Variants in COL5A1 observed in about 807,000 individuals in gnomAD.
COL5A1 encodes collagen alpha-1(V) chain.
COL5A1 carries 16 observed loss-of-function variants against 263.7 expected under a neutral mutation model. The observed-to-expected ratio is 0.06, with a 90% CI of 0.04 to 0.09. The LOEUF (loss-of-function observed/expected upper bound fraction) is 0.09. COL5A1 is among the 10% of genes least tolerant of loss of function. The pLI, the probability that COL5A1 is intolerant of heterozygous loss-of-function variation, is 1.00. For synonymous variants in COL5A1, 1,012 were observed against 1,004.5 expected (o/e 1.01, Z -0.14); for missense variants, 2,036 against 2,540.5 (o/e 0.80, Z 4.27).
chr9:134,696,066 C>T lies in COL5A1; in HGVS notation c.278-3843C>T, dbSNP rs1375606702. Among the ~76,000 whole-genome samples the T allele has an allele frequency of 2.1e-4, 32 of 152,188 alleles. No homozygotes were observed. The highest frequency in any genetic ancestry group is 2.0e-3 in the Admixed American group (30 of 15,290). On this transcript the variant is annotated intron_variant, in intron 2 of 65. Transcript: ENST00000371817. This position sits in a 1 kb window ranked among gnomAD's most constrained non-coding sequence, Gnocchi z 4.3. ...GTCCAGCTGAAACCTCAGCCGCCCC[C>T]CAGGTTCCTGGCCCCCTGTCCAAAG... is the stretch of plus-strand genomic sequence containing the variant.
rs562236744 is a variant in COL5A1, at chr9:134,798,509, A to G, written c.2952+48A>G. 1.9e-6 allele frequency: 3 copies of G among 1,576,894 alleles called. No homozygotes were observed. The Admixed American group carries it at 5.0e-5, about 26-fold the overall frequency. Reference sequence around the variant, plus strand: ...GACGTGGCTGGCTGGCTCTCTGACCACCCTGCACGTGGGCACAGCCCTCGC... The same window carrying G: ...GACGTGGCTGGCTGGCTCTCTGACCGCCCTGCACGTGGGCACAGCCCTCGC... On this transcript the variant is annotated intron_variant, in intron 37 of 65. Transcript: ENST00000371817.
intron 1 of COL5A1, among the ~76,000 whole-genome samples, chr9:134,685,011 G>GATCC (rs1304374971): frequency 0.029 from 1,052 of 36,360 alleles, 2 homozygotes; most frequent in Non-Finnish European, 0.043. Flanking sequence ...TCCATTAATT[G>GATCC]ATCCATCCAT....
At chr9:134,711,279 T>G (rs1588460656) in intron 4 of COL5A1, among the ~76,000 whole-genome samples, 2 of 151,970 alleles carry the variant, frequency 1.3e-5, no homozygotes, top group Admixed American at 1.3e-4. Flanking sequence ...ACGGTCCAGG[T>G]GGTCAGGCCG....
chr9:134,730,889 C>T (rs1834854773), intron 7 of COL5A1, among the ~76,000 whole-genome samples: 1 of 152,184 alleles, frequency 6.6e-6, no homozygotes, highest in South Asian at 2.1e-4. Flanking sequence ...TACAGCGAAG[C>T]AGGAGCTGGG....
intron 42 of COL5A1, among the ~76,000 whole-genome samples, chr9:134,807,628 T>A (rs1838342979): frequency 6.6e-6 from 1 of 152,326 alleles, no homozygotes; most frequent in South Asian, 2.1e-4. Context: ...TCACTCTCAG[T>A]GGCTCATGGG....
Position 134,765,798 on chromosome 9 carries a change from C to G in COL5A1, c.2088+64C>G. On this transcript the variant is annotated intron_variant, in intron 21 of 65. Coordinates refer to ENST00000371817, the MANE Select transcript of COL5A1 (RefSeq NM_000093.5). This position sits in a 1 kb window ranked among gnomAD's most constrained non-coding sequence, Gnocchi z 5.1. ...CGGCCTTTGAGACCCCGCCTCCCAG[C>G]CGGTGGACGCTTGGGCACTGGGGCA... The G allele has an allele frequency of 7.1e-7, 1 of 1,410,932 alleles. No individual in the cohort carries two copies. 87.4% of individuals were successfully genotyped at this position (1,410,932 alleles called of 1,614,324 possible). A position where few individuals can be genotyped will look rare whatever the true frequency, so the allele number is the denominator to read the frequency against.
chr9:134,715,955 AG>A (rs1157191269), intron 4 of COL5A1, among the ~76,000 whole-genome samples: 1 of 149,624 alleles, frequency 6.7e-6, no homozygotes, highest in Non-Finnish European at 1.5e-5. Flanking sequence ...TGGTGATGGT[AG>A]TGATGAAGAT....
rs1414489504 is a variant in COL5A1, at chr9:134,817,079, G to A, written c.4176G>A (p.Arg1392=). The A allele has an allele frequency of 1.2e-6, 2 of 1,613,328 alleles. No homozygotes were observed. The highest frequency in any genetic ancestry group is 8.5e-7 in the Non-Finnish European group (1 of 1,179,392). The change falls in exon 53 of 66, where the codon AGG becomes AGA. Residue 1392 remains arginine (R), a splice_region_variant and synonymous_variant. Coordinates refer to ENST00000371817, the MANE Select transcript of COL5A1 (RefSeq NM_000093.5). ...EPGPSGPPGK[R]GPPGPAGPEG... ...GTCCATCGGGGCCTCCAGGAAAAAG[G>A]GTAAATAATCCTGCAGGCACATCCT...
At chr9:134,751,751 A>G (rs1379419229) in intron 13 of COL5A1, among the ~76,000 whole-genome samples, 1 of 152,224 alleles carries the variant, frequency 6.6e-6, no homozygotes, top group Non-Finnish European at 1.5e-5. Flanking sequence ...CAGCTCCCAC[A>G]GCAGCCAGAG....
rs549415560 is a variant in COL5A1 at position 134,695,893 on chromosome 9, C to G, written c.278-4016C>G. ...TCTGGAGCCCCTCACCTGTCCCACC[C>G]CAATGTGGGACTGAGAGCCCTTCTG... On this transcript the variant is annotated intron_variant, in intron 2 of 65. Coordinates refer to ENST00000371817, the MANE Select transcript of COL5A1 (RefSeq NM_000093.5). Among the ~76,000 whole-genome samples the G allele has an allele frequency of 1.6e-4, 25 of 152,304 alleles. 1 individual carries two copies. The South Asian group carries it at 5.0e-3, about 30-fold the overall frequency.
intron 41 of COL5A1, 37 bp from the exon 42 acceptor site, chr9:134,806,152 A>G (rs1303437058): frequency 6.9e-7 from 1 of 1,448,590 alleles, no homozygotes; most frequent in Non-Finnish European, 9.5e-7. Flanking sequence ...GCAGTCTGAG[A>G]GCCTTTGAAG....
rs1286916708 is a variant in COL5A1, at chr9:134,818,086, A to G, written c.4230+255A>G. On this transcript the variant is annotated intron_variant, in intron 54 of 65. Coordinates refer to ENST00000371817, the MANE Select transcript of COL5A1 (RefSeq NM_000093.5). The surrounding 1 kb of genome is among the most constrained non-coding windows in gnomAD (Gnocchi z 6.0). ...GAGGCGGGTGGTGGGTGCGGGATTC[A>G]GGGAGCCCAAGGCTGAGTAGTTATG... Among the ~76,000 whole-genome samples, 1 of 152,178 alleles carries G rather than the reference A, an allele frequency of 6.6e-6. No individual in the cohort carries two copies. Among genetic ancestry groups the G allele is most frequent in the African/African-American group, 2.4e-5 (1 of 41,456 alleles).
chr9:134,750,629 A>G lies in COL5A1; in HGVS notation c.1569+13A>G. The G allele has an allele frequency of 3.1e-6, 5 of 1,612,794 alleles. No individual in the cohort carries two copies. Among genetic ancestry groups the G allele is most frequent in the Non-Finnish European group, 4.2e-6 (5 of 1,179,582 alleles). ...GCTCATGCTGCCCGTGAGTACCCTTATCAGTCGGAGGTGGGGAGGCAGCTG... is the reference window on the plus strand; with the variant it reads ...GCTCATGCTGCCCGTGAGTACCCTTGTCAGTCGGAGGTGGGGAGGCAGCTG... On this transcript the variant is annotated intron_variant, in intron 12 of 65. Transcript: ENST00000371817.
At chr9:134,824,924 G>T in intron 62 of COL5A1, 69 bp downstream of exon 62, 5 of 1,539,728 alleles carry the variant, frequency 3.2e-6, no homozygotes, top group Non-Finnish European at 4.4e-6. Flanking sequence ...ATGGAGTGTG[G>T]CAAGGACAGT....
intron 9 of COL5A1, among the ~76,000 whole-genome samples, chr9:134,734,588 A>G (rs1488821360): frequency 6.6e-6 from 1 of 152,220 alleles, no homozygotes; most frequent in Admixed American, 6.5e-5. Context: ...TGGGAGATGC[A>G]TCTGTTCCAG....
In COL5A1 at chr9:134,732,468, G is replaced by C. The variant is rs190858436; in HGVS notation, c.1389+341G>C. The C allele has an allele frequency of 1.1e-3, 505 of 478,936 alleles. 1 individual carries two copies. Among genetic ancestry groups the C allele is most frequent in the Non-Finnish European group, 1.6e-3 (413 of 260,716 alleles). The allele number at this position is 478,936 out of a possible 1,614,324, so 29.7% of individuals were successfully genotyped here. A position where few individuals can be genotyped will look rare whatever the true frequency, so the allele number is the denominator to read the frequency against. On this transcript the variant is annotated intron_variant, in intron 9 of 65. Coordinates refer to ENST00000371817, the MANE Select transcript of COL5A1 (RefSeq NM_000093.5). ...TCGAGGCGGAGGCGGAGTCCCCTTT[G>C]AGGGGTGGAGGAGAGGATGTAAATG...
intron 64 of COL5A1, among the ~76,000 whole-genome samples, chr9:134,831,544 G>A (rs1434046311): frequency 2.6e-5 from 4 of 152,208 alleles, no homozygotes; most frequent in Non-Finnish European, 5.9e-5. Flanking sequence ...CAGAGCGTAG[G>A]GGATGCTGAT....
chr9:134,725,247 G>C (rs1047447042), intron 4 of COL5A1, among the ~76,000 whole-genome samples: 10 of 152,272 alleles, frequency 6.6e-5, no homozygotes, highest in Non-Finnish European at 1.3e-4. Flanking sequence ...AGCTGCTGGG[G>C]GACCCTGGAC....
At chr9:134,751,570 A>C (rs1276758756) in intron 13 of COL5A1, among the ~76,000 whole-genome samples, 1 of 136,068 alleles carries the variant, frequency 7.3e-6, no homozygotes, top group African/African-American at 2.8e-5. Flanking sequence ...TTGCCTCCCT[A>C]TTGTGAAGTA....
Sources: allele counts gnomAD v4.1 joint callset (sites outside exome capture counted in the v4.1 genomes callset), GRCh38; gene constraint gnomAD v4.1.1; non-coding constraint Gnocchi (gnomAD v3.1); transcripts MANE v1.5; gene names NCBI Gene and HGNC (gene_info 2026-07-23, HGNC 2026-07-21).